GPHN: variants seen among roughly 807,000 people sequenced by gnomAD.
The protein encoded by GPHN is gephyrin.
Under a neutral mutation model 95.5 loss-of-function variants are expected in GPHN, and 17 were observed. That is an observed-to-expected ratio of 0.18 (90% CI 0.12 to 0.27). The LOEUF is 0.27. GPHN is among the 10% of genes least tolerant of loss of function. The probability of loss-of-function intolerance (pLI) is 1.00; values close to 1 mark genes in which losing one functional copy is unlikely to be tolerated. For synonymous variants in GPHN, 320 were observed against 322.5 expected (o/e 0.99, Z 0.08); for missense variants, 660 against 978.1 (o/e 0.67, Z 4.34).
chr14:66,774,089 G>T (rs574107003), intron 2 of GPHN, among the ~76,000 whole-genome samples: 1 of 127,846 alleles, frequency 7.8e-6, no homozygotes, highest in Non-Finnish European at 1.5e-5. Context: ...CTGCAACTCC[G>T]CCTCCCGGGT....
chr14:67,645,708 A>G, the GPHN span: 1 of 1,613,996 alleles, frequency 6.2e-7, no homozygotes, highest in Non-Finnish European at 8.5e-7. Context: ...GTCTGGGTTG[A>G]TGCCCATGCT....
At chr14:67,453,687 G>A in the GPHN span, among the ~76,000 whole-genome samples, 1 of 152,222 alleles carries the variant, frequency 6.6e-6, no homozygotes, top group Non-Finnish European at 1.5e-5. Flanking sequence ...AGCGGGTGGA[G>A]AGGGGGCGGC....
At chr14:66,585,869 A>G (rs904117545) in intron 1 of GPHN, among the ~76,000 whole-genome samples, 8 of 152,006 alleles carry the variant, frequency 5.3e-5, no homozygotes, top group South Asian at 2.1e-4. Flanking sequence ...TATTCTGTTG[A>G]TTTGGGGTGG....
At chr14:67,198,227 C>A in the GPHN span, 1 of 1,613,944 alleles carries the variant, frequency 6.2e-7, no homozygotes, top group Non-Finnish European at 8.5e-7. Context: ...GCACCCCACA[C>A]TCCCATGATC....
intron 1 of GPHN, among the ~76,000 whole-genome samples, chr14:66,649,209 C>A (rs1055757836): frequency 1.2e-4 from 18 of 152,070 alleles, no homozygotes; most frequent in African/African-American, 3.9e-4. Flanking sequence ...TGGCGTGCGC[C>A]TGTAGTCCCA....
chr14:67,255,450 G>T, the GPHN span, among the ~76,000 whole-genome samples: 82 of 152,136 alleles, frequency 5.4e-4, no homozygotes, highest in African/African-American at 1.9e-3. Context: ...TTGGTAAACT[G>T]CTTTCTTACA....
At chr14:67,374,935 T>A in the GPHN span, among the ~76,000 whole-genome samples, 1 of 152,210 alleles carries the variant, frequency 6.6e-6, no homozygotes, top group African/African-American at 2.4e-5. Flanking sequence ...AACCCTGTTC[T>A]GGGATGAGGG....
At chr14:66,838,752 C>T (rs905292374) in intron 4 of GPHN, among the ~76,000 whole-genome samples, 1 of 152,140 alleles carries the variant, frequency 6.6e-6, no homozygotes, top group African/African-American at 2.4e-5. Context: ...ATTTCTCTCT[C>T]TGTGTATTAG....
intron 2 of GPHN, among the ~76,000 whole-genome samples, chr14:66,741,820 C>T (rs988289070): frequency 6.6e-6 from 1 of 152,154 alleles, no homozygotes; most frequent in African/African-American, 2.4e-5. Context: ...GGGATAAAGT[C>T]CTTTGAGTTG....
At chr14:67,162,904 T>G (rs1347777627) in intron 19 of GPHN, among the ~76,000 whole-genome samples, 1 of 152,228 alleles carries the variant, frequency 6.6e-6, no homozygotes, top group Non-Finnish European at 1.5e-5. Context: ...TTGCTTAATC[T>G]CTCTGAATCT....
intron 2 of GPHN, among the ~76,000 whole-genome samples, chr14:66,687,845 C>G (rs1356651667): frequency 6.6e-6 from 1 of 152,146 alleles, no homozygotes; most frequent in Admixed American, 6.5e-5. Context: ...TTTGTGTCCT[C>G]TTCAATTTCT....
the GPHN span, chr14:67,677,480 T>C: frequency 6.6e-6 from 1 of 151,518 alleles, no homozygotes; most frequent in East Asian, 1.9e-4. Context: ...TAATATCTTT[T>C]GCTATTAATC....
At chr14:66,647,727 C>T (rs901451744) in intron 1 of GPHN, among the ~76,000 whole-genome samples, 3 of 152,068 alleles carry the variant, frequency 2.0e-5, no homozygotes, top group Admixed American at 2.0e-4. Context: ...ACAGTACTCA[C>T]CTGGTTTTAG....
intron 4 of GPHN, among the ~76,000 whole-genome samples, chr14:66,852,524 T>C (rs1034995774): frequency 2.6e-5 from 4 of 152,254 alleles, no homozygotes; most frequent in Non-Finnish European, 5.9e-5. Flanking sequence ...CAGAATGAAC[T>C]TAGTTCCCTG....
the GPHN span, chr14:67,279,620 T>G: frequency 7.6e-7 from 1 of 1,322,754 alleles, no homozygotes. Flanking sequence ...GGAAGAGGGT[T>G]TAAGAGAATG....
chr14:67,257,555 A>G, the GPHN span, among the ~76,000 whole-genome samples: 1 of 152,142 alleles, frequency 6.6e-6, no homozygotes, highest in Non-Finnish European at 1.5e-5. Flanking sequence ...ACTATGAGAG[A>G]CAGCTAAATA....
chr14:67,289,011 G>A, the GPHN span, among the ~76,000 whole-genome samples: 55 of 141,502 alleles, frequency 3.9e-4, no homozygotes, highest in African/African-American at 1.4e-3. Context: ...CTGTCATCTA[G>A]GCTAGAGTGC....
chr14:66,666,870 T>G (rs1222506966), intron 1 of GPHN, among the ~76,000 whole-genome samples: 1 of 152,184 alleles, frequency 6.6e-6, no homozygotes, highest in African/African-American at 2.4e-5. Context: ...ATGACATGAT[T>G]CTGTATCTAG....
the GPHN span, chr14:67,576,127 A>G: frequency 1.3e-6 from 1 of 745,774 alleles, no homozygotes; most frequent in Non-Finnish European, 2.2e-6. The surrounding 1 kb of genome is among the most constrained non-coding windows in gnomAD (Gnocchi z 4.0). Context: ...TTTGGCAACT[A>G]ATATTCTCTG....
Sources: gnomAD v4.1 joint callset for allele counts (sites outside exome capture counted in the v4.1 genomes callset) on GRCh38, gnomAD v4.1.1 for gene constraint, Gnocchi (gnomAD v3.1) non-coding constraint, MANE v1.5 for transcripts, NCBI Gene and HGNC (gene_info 2026-07-23, HGNC 2026-07-21) for gene names.